Variants in CSNK1G1 observed in about 807,000 individuals in gnomAD.
The protein encoded by CSNK1G1 is casein kinase I isoform gamma-1.
CSNK1G1 carries 22 observed loss-of-function variants against 59.6 expected under a neutral mutation model. That is an observed-to-expected ratio of 0.37 (90% confidence interval 0.26 to 0.53). CSNK1G1 has a LOEUF of 0.53. Ranked by LOEUF, CSNK1G1 falls within the 20% of genes least tolerant of loss-of-function variation. The probability of loss-of-function intolerance (pLI) is 0.89; values close to 1 mark genes in which losing one functional copy is unlikely to be tolerated. For synonymous variants in CSNK1G1, 179 were observed against 177.1 expected (o/e 1.01, Z -0.08); for missense variants, 384 against 519.5 (o/e 0.74, Z 2.54).
chr15:64,289,129 G>A (rs374947388), intron 2 of CSNK1G1, among the ~76,000 whole-genome samples: 3 of 150,512 alleles, frequency 2.0e-5, no homozygotes, highest in African/African-American at 7.3e-5. Flanking sequence ...GCAGCGAGCC[G>A]AGATTGCAAC....
At chr15:64,335,845 C>T (rs1897360449) in intron 1 of CSNK1G1, 1 of 152,134 alleles carries the variant, frequency 6.6e-6, no homozygotes, top group South Asian at 2.1e-4. Context: ...TTGTCCTAGT[C>T]ATTTCATTTC....
At chr15:64,279,749 G>C (rs140367889) in intron 2 of CSNK1G1, among the ~76,000 whole-genome samples, 1 of 151,910 alleles carries the variant, frequency 6.6e-6, no homozygotes, top group East Asian at 1.9e-4. Flanking sequence ...CGAGGTGGGC[G>C]GATCACAAGG....
chr15:64,323,722 A>G (rs1159549724), intron 1 of CSNK1G1, among the ~76,000 whole-genome samples: 1 of 152,152 alleles, frequency 6.6e-6, no homozygotes, highest in Non-Finnish European at 1.5e-5. Context: ...TAAAATCTTT[A>G]AAGTTATATT....
chr15:64,307,061 T>C (rs1895717944), intron 1 of CSNK1G1, among the ~76,000 whole-genome samples: 1 of 152,178 alleles, frequency 6.6e-6, no homozygotes, highest in Admixed American at 6.5e-5. Flanking sequence ...TAATGGTAGA[T>C]GCATGTCATT....
intron 1 of CSNK1G1, among the ~76,000 whole-genome samples, chr15:64,316,697 C>T (rs1896287586): frequency 6.6e-6 from 1 of 152,046 alleles, no homozygotes; most frequent in African/African-American, 2.4e-5. Flanking sequence ...GGCAGACAGC[C>T]CAGCTCTGAG....
intron 1 of CSNK1G1, among the ~76,000 whole-genome samples, chr15:64,308,594 T>C (rs967829034): frequency 6.6e-6 from 1 of 152,038 alleles, no homozygotes; most frequent in Non-Finnish European, 1.5e-5. Context: ...TCCGACTTCC[T>C]TTAGGATAAA....
chr15:64,272,063 A>G (rs561409995), intron 2 of CSNK1G1, among the ~76,000 whole-genome samples: 52 of 152,218 alleles, frequency 3.4e-4, no homozygotes, highest in African/African-American at 1.2e-3. Context: ...TGAAATTAGA[A>G]CTGCAATCCC....
At chr15:64,334,703 T>C (rs1337838909) in intron 1 of CSNK1G1, among the ~76,000 whole-genome samples, 1 of 152,140 alleles carries the variant, frequency 6.6e-6, no homozygotes, top group East Asian at 1.9e-4. Flanking sequence ...CTGCCATTGA[T>C]CTGACAGGAG....
At chr15:64,198,163 G>A (rs1050808964) in intron 10 of CSNK1G1, among the ~76,000 whole-genome samples, 1 of 149,882 alleles carries the variant, frequency 6.7e-6, no homozygotes, top group Non-Finnish European at 1.5e-5. Context: ...TGAGGACAAG[G>A]ACTCCCTACT....
At chr15:64,262,496 C>A (rs1892747942) in intron 2 of CSNK1G1, among the ~76,000 whole-genome samples, 1 of 152,092 alleles carries the variant, frequency 6.6e-6, no homozygotes, top group South Asian at 2.1e-4. Flanking sequence ...TGTGGGTAGA[C>A]CCATATAATC....
At chr15:64,196,786 CTG>C (rs1252493051) in intron 10 of CSNK1G1, among the ~76,000 whole-genome samples, 2 of 150,772 alleles carry the variant, frequency 1.3e-5, no homozygotes, top group Non-Finnish European at 2.9e-5. Flanking sequence ...AAAGACTGCT[CTG>C]TGTGTGTTTT....
chr15:64,177,266 C>T (rs1233298032), intron 11 of CSNK1G1, among the ~76,000 whole-genome samples: 6 of 152,174 alleles, frequency 3.9e-5, no homozygotes, highest in Admixed American at 1.3e-4. Context: ...TTCTACCCCA[C>T]AAGCAGGCTG....
chr15:64,338,141 T>C (rs989739339), intron 1 of CSNK1G1, among the ~76,000 whole-genome samples: 1 of 152,196 alleles, frequency 6.6e-6, no homozygotes, highest in African/African-American at 2.4e-5. Context: ...TGGGTCTATA[T>C]GGTAGTCCTA....
At chr15:64,307,159 T>A (rs1895722895) in intron 1 of CSNK1G1, among the ~76,000 whole-genome samples, 1 of 152,054 alleles carries the variant, frequency 6.6e-6, no homozygotes, top group Admixed American at 6.6e-5. Context: ...GTTAATAACG[T>A]GTCAATATTG....
chr15:64,177,327 C>T (rs1473681132), intron 11 of CSNK1G1, among the ~76,000 whole-genome samples: 1 of 152,168 alleles, frequency 6.6e-6, no homozygotes, highest in Non-Finnish European at 1.5e-5. Context: ...GTTTGGAACA[C>T]CTCGTGCTTC....
chr15:64,344,589 T>C (rs1279120910), intron 1 of CSNK1G1, among the ~76,000 whole-genome samples: 2 of 152,192 alleles, frequency 1.3e-5, no homozygotes, highest in African/African-American at 4.8e-5. Flanking sequence ...GAAAGAAATA[T>C]ACACATTTCA....
intron 2 of CSNK1G1, among the ~76,000 whole-genome samples, chr15:64,298,479 T>G (rs1350815101): frequency 6.6e-6 from 1 of 152,200 alleles, no homozygotes; most frequent in Non-Finnish European, 1.5e-5. Context: ...AAAGCAGTAA[T>G]TACACATCTT....
At chr15:64,354,444 C>T (rs901953381) in intron 1 of CSNK1G1, among the ~76,000 whole-genome samples, 4 of 152,176 alleles carry the variant, frequency 2.6e-5, no homozygotes, top group African/African-American at 9.7e-5. Context: ...ACTATAAACA[C>T]CAATATGGTG....
At chr15:64,174,191 C>A (rs1375558577) in intron 11 of CSNK1G1, among the ~76,000 whole-genome samples, 2 of 152,186 alleles carry the variant, frequency 1.3e-5, no homozygotes, top group African/African-American at 4.8e-5. Flanking sequence ...ACAATGACTT[C>A]TCTTTTACCT....
Sources: gnomAD v4.1 joint callset for allele counts (sites outside exome capture counted in the v4.1 genomes callset) on GRCh38, gnomAD v4.1.1 for gene constraint, MANE v1.5 for transcripts, NCBI Gene and HGNC (gene_info 2026-07-23, HGNC 2026-07-21) for gene names.